SLC2A9: variants seen among roughly 807,000 people sequenced by gnomAD.
SLC2A9 encodes the protein solute carrier family 2, facilitated glucose transporter member 9.
In SLC2A9, 39 loss-of-function variants were observed where a neutral mutation model predicts 50.6. The observed-to-expected ratio is 0.77, with a 90% CI of 0.60 to 1.01. The LOEUF is 1.01. Among genes scored for constraint, SLC2A9 ranks in the 50% least tolerant of loss-of-function variants. The pLI is 0.00. For missense variants in SLC2A9, 686 were observed against 677.6 expected, an observed-to-expected ratio of 1.01 and a Z score of -0.14; for synonymous variants, 324 against 276.9, an observed-to-expected ratio of 1.17 and a Z score of -1.69.
At chr4:9,782,052 G>A in intron 3 of SLC2A9, 2 of 1,481,872 alleles carry the variant, frequency 1.3e-6, no homozygotes, top group Non-Finnish European at 1.8e-6. Context: ...GGCAGCAACG[G>A]CACCGCGTAC....
At chr4:9,816,281 G>T (rs1723580416) in intron 3 of SLC2A9, among the ~76,000 whole-genome samples, 1 of 152,130 alleles carries the variant, frequency 6.6e-6, no homozygotes, top group Non-Finnish European at 1.5e-5. Context: ...GGAGACAACT[G>T]CTCTAGGCTG....
chr4:9,879,995 C>T (rs1412778439), intron 10 of SLC2A9: 119 of 985,438 alleles, frequency 1.2e-4, no homozygotes, highest in Non-Finnish European at 1.4e-4. Flanking sequence ...CTGCCTCAGG[C>T]GGCCTCCTGG....
At chr4:10,009,780 T>C (rs557346952) in intron 2 of SLC2A9, 6 of 152,366 alleles carry the variant, frequency 3.9e-5, no homozygotes, top group African/African-American at 1.4e-4. Context: ...TAAAGTTAAG[T>C]TCTCATTCAT....
At chr4:10,000,028 C>T (rs34407859) in intron 2 of SLC2A9, among the ~76,000 whole-genome samples, 7,424 of 152,220 alleles carry the variant, frequency 0.049, 554 homozygotes, top group East Asian at 0.39. Flanking sequence ...CAGACATAAG[C>T]AAATGGTCTG....
At chr4:9,906,751 A>G (rs1057390388) in intron 8 of SLC2A9, among the ~76,000 whole-genome samples, 1 of 152,248 alleles carries the variant, frequency 6.6e-6, no homozygotes, top group Admixed American at 6.5e-5. Context: ...TACTTCCCCC[A>G]TAAGTTTCAT....
chr4:9,775,823 C>A (rs562086698), downstream of SLC2A9, among the ~76,000 whole-genome samples: 5 of 152,292 alleles, frequency 3.3e-5, no homozygotes, highest in South Asian at 1.0e-3. Context: ...TCAGATATTT[C>A]TTTATAGCAA....
intron 5 of SLC2A9, among the ~76,000 whole-genome samples, chr4:9,962,630 A>G (rs1303648584): frequency 2.6e-5 from 4 of 152,166 alleles, no homozygotes. Context: ...CTACTTATGC[A>G]ATGGGTCAAT....
At chr4:9,786,848 G>C (rs2108869639) in intron 3 of SLC2A9, among the ~76,000 whole-genome samples, 1 of 152,300 alleles carries the variant, frequency 6.6e-6, no homozygotes, top group African/African-American at 2.4e-5. Context: ...TGTCACAACT[G>C]GGTGTCAGGT....
chr4:9,932,009 G>C (rs374545707), intron 6 of SLC2A9, among the ~76,000 whole-genome samples: 3 of 87,226 alleles, frequency 3.4e-5, no homozygotes, highest in South Asian at 3.6e-4. Context: ...TGCCTTGCCT[G>C]ACTTGGAAAA....
chr4:9,801,101 T>C (rs186850997), intron 3 of SLC2A9, among the ~76,000 whole-genome samples: 103 of 152,142 alleles, frequency 6.8e-4, no homozygotes, highest in East Asian at 4.8e-3. Context: ...ACGTGGCTCA[T>C]TTGAATGTGG....
chr4:9,950,058 C>T (rs942451061), intron 5 of SLC2A9, among the ~76,000 whole-genome samples: 2 of 152,162 alleles, frequency 1.3e-5, no homozygotes, highest in Non-Finnish European at 2.9e-5. Flanking sequence ...GTCGTGTTTG[C>T]CTTACCAACC....
At chr4:9,915,997 G>A (rs1742784887) in intron 7 of SLC2A9, among the ~76,000 whole-genome samples, 1 of 152,116 alleles carries the variant, frequency 6.6e-6, no homozygotes, top group Admixed American at 6.5e-5. Context: ...CAAAAGAGGG[G>A]GAAAGTACCA....
downstream of SLC2A9, among the ~76,000 whole-genome samples, chr4:9,824,034 T>A (rs919183558): frequency 2.0e-5 from 3 of 152,202 alleles, no homozygotes; most frequent in African/African-American, 4.8e-5. Flanking sequence ...TGAAATTTAA[T>A]CCCCAATGCG....
At chr4:9,886,424 C>CTGTGTGTGTG (rs59081583) in intron 10 of SLC2A9, among the ~76,000 whole-genome samples, 5 of 135,584 alleles carry the variant, frequency 3.7e-5, no homozygotes, top group African/African-American at 1.1e-4. Context: ...CCTCATAGCA[C>CTGTGTGTGTG]TGTGTGTGTG....
chr4:9,944,370 T>G (rs758299596), intron 5 of SLC2A9, among the ~76,000 whole-genome samples: 1 of 152,256 alleles, frequency 6.6e-6, no homozygotes, highest in Non-Finnish European at 1.5e-5. Context: ...TTTTGGAATC[T>G]TAGTCAGTGG....
chr4:10,002,397 T>C (rs1231791744), intron 2 of SLC2A9, among the ~76,000 whole-genome samples: 1 of 152,216 alleles, frequency 6.6e-6, no homozygotes, highest in East Asian at 1.9e-4. Flanking sequence ...GAGAGTTATA[T>C]AACCTGCCCA....
chr4:9,979,165 T>C (rs1025391579), intron 5 of SLC2A9, among the ~76,000 whole-genome samples: 1 of 152,210 alleles, frequency 6.6e-6, no homozygotes. Flanking sequence ...ACCCGGGTTC[T>C]GGTTTCAGCA....
intron 5 of SLC2A9, among the ~76,000 whole-genome samples, chr4:9,955,597 T>A (rs1403617075): frequency 1.3e-5 from 2 of 152,162 alleles, no homozygotes; most frequent in African/African-American, 4.8e-5. Context: ...CTTTACTTCC[T>A]TTCATTCCTG....
intron 11 of SLC2A9, among the ~76,000 whole-genome samples, chr4:9,831,291 G>C (rs567280133): frequency 6.6e-6 from 1 of 152,090 alleles, no homozygotes; most frequent in Non-Finnish European, 1.5e-5. Context: ...AGGTCATTAG[G>C]GTGGGGCCCT....
Sources: allele counts gnomAD v4.1 joint callset (sites outside exome capture counted in the v4.1 genomes callset), GRCh38; gene constraint gnomAD v4.1.1; transcripts MANE v1.5; gene names NCBI Gene and HGNC (gene_info 2026-07-23, HGNC 2026-07-21).